Variants in XPO5 observed in about 807,000 individuals in gnomAD.
The protein encoded by XPO5 is exportin-5.
Under a neutral mutation model 160.6 loss-of-function variants are expected in XPO5, and 46 were observed. That is an observed-to-expected ratio of 0.29 (90% CI 0.23 to 0.37). The LOEUF is 0.37. Ranked by LOEUF, XPO5 falls within the 10% of genes least tolerant of loss-of-function variation. The pLI, the probability that XPO5 is intolerant of heterozygous loss-of-function variation, is 1.00. For missense variants in XPO5, 1,090 were observed against 1,463.9 expected (o/e 0.74, Z 4.17); for synonymous variants, 537 against 519.3 (o/e 1.03, Z -0.46).
In XPO5 at chr6:43,575,801, C is replaced by T; in HGVS notation, c.64G>A (p.Asp22Asn). The T allele has an allele frequency of 6.2e-7, 1 of 1,613,804 alleles. No individual in the cohort carries two copies. The highest frequency in any genetic ancestry group is 1.3e-5 in the African/African-American group (1 of 75,058). ...CGGTAGCGCTGGGTGGAGTTGGGGTCCATCATGACCGTCACCGCTTTCACC... is the reference window on the plus strand; with the variant it reads ...CGGTAGCGCTGGGTGGAGTTGGGGTTCATCATGACCGTCACCGCTTTCACC... ...QLVKAVTVMM[D>N]PNSTQRYRLE... The change falls in exon 1 of 32, where the codon GAC (aspartate) becomes AAC (asparagine). Residue 22 changes from aspartate (D) to asparagine (N), a missense_variant. This residue lies in a region of XPO5 where 170 missense variants were observed against 227.0 expected (regional missense o/e 0.75). Transcript: ENST00000265351.
intron 27 of XPO5, chr6:43,526,198 G>C: frequency 6.5e-6 from 3 of 459,406 alleles, no homozygotes; most frequent in South Asian, 2.7e-5. Flanking sequence ...ACAAATATTT[G>C]AGCACCAGAC....
intron 19 of XPO5, 23 bp from the exon 20 acceptor site, chr6:43,546,775 G>T: frequency 1.4e-6 from 2 of 1,430,696 alleles, no homozygotes; most frequent in Non-Finnish European, 1.8e-6. Context: ...AAGAATGACA[G>T]ATAAATATTA....
intron 7 of XPO5, chr6:43,566,666 C>A (rs1037818506): frequency 2.4e-6 from 1 of 424,938 alleles, no homozygotes; most frequent in South Asian, 1.7e-5. Context: ...AAAAATCAGT[C>A]GGGCATGGTG....
Position 43,548,142 on chromosome 6 carries a change from A to G in XPO5, c.2060+119T>C, listed in dbSNP as rs1017014284. ...AGACTGCTTTTAGAGAACTTCAGAT[A>G]TCATGGATAATGCCATCACACTTCA... On this transcript the variant is annotated intron_variant, in intron 18 of 31. Coordinates refer to ENST00000265351, the MANE Select transcript of XPO5 (RefSeq NM_020750.3). 7.6e-5 allele frequency: 77 copies of G among 1,011,992 alleles called. No individual in the cohort carries two copies. In the African/African-American group the frequency reaches 1.1e-3, roughly 14 times the overall value. The allele number at this position is 1,011,992 out of a possible 1,614,324, so 62.7% of individuals were successfully genotyped here.
At position 43,530,792 on chromosome 6, in the gene XPO5, A is replaced by G. The variant is rs773870581; in HGVS notation, c.2573T>C (p.Met858Thr). The change falls in exon 23 of 32, where the codon ATG (methionine) becomes ACG (threonine). Residue 858 changes from methionine (M) to threonine (T), a missense_variant. Met to Thr is a moderately conservative substitution (Grantham distance 81, BLOSUM62 -1). This residue lies in a region of XPO5 where 810 missense variants were observed against 1,139.0 expected (regional missense o/e 0.71). Coordinates refer to ENST00000265351, the MANE Select transcript of XPO5 (RefSeq NM_020750.3). Reference sequence around the variant, plus strand: ...CTCCACAGTATAGAAGTCTTGCTGCATGGAAGGGCCTGCCTTCCCTAGGAT... The same window carrying G: ...CTCCACAGTATAGAAGTCTTGCTGCGTGGAAGGGCCTGCCTTCCCTAGGAT... ...FHILGKAGPS[M>T]QQDFYTVEDL... 1.2e-6 allele frequency: 2 copies of G among 1,613,460 alleles called. No homozygotes were observed. The highest frequency in any genetic ancestry group is 8.5e-7 in the Non-Finnish European group (1 of 1,179,712).
chr6:43,560,292 A>G lies in XPO5; in HGVS notation c.1107T>C (p.Ser369=), dbSNP rs565874420. The G allele has an allele frequency of 1.9e-5, 30 of 1,610,102 alleles. No individual in the cohort carries two copies. The South Asian group carries it at 2.9e-4, about 15-fold the overall frequency. The part of the protein sequence containing the change: ...FTTHPSQFLR[S]STQMTWGALF... ...GGGCTCCCCAAGTCATCTGAGTTGAAGAGCGTAGAAACTAAAGAGAAAAAA... is the reference window on the plus strand; with the variant it reads ...GGGCTCCCCAAGTCATCTGAGTTGAGGAGCGTAGAAACTAAAGAGAAAAAA... The change falls in exon 11 of 32, where the codon TCT becomes TCC. Residue 369 remains serine (S), a synonymous_variant. Transcript: ENST00000265351.
intron 20 of XPO5, among the ~76,000 whole-genome samples, chr6:43,543,540 A>G (rs1011005721): frequency 3.9e-5 from 6 of 152,220 alleles, no homozygotes; most frequent in Non-Finnish European, 7.3e-5. Flanking sequence ...GAAAAGAGGT[A>G]TTAGGTAAAG....
intron 12 of XPO5, among the ~76,000 whole-genome samples, chr6:43,556,898 C>A (rs1170660679): frequency 6.6e-6 from 1 of 151,286 alleles, no homozygotes; most frequent in Non-Finnish European, 1.5e-5. Flanking sequence ...GACGCCAAGG[C>A]AGGTGAATCA....
At position 43,566,609 on chromosome 6, in the gene XPO5, G is replaced by C. The variant is rs114477309; in HGVS notation, c.834+560C>G. Reference sequence around the variant, plus strand: ...AGATCACTTGAGCTCAGGAGTTCGAGAAGAGCCTGGCTAACATGGCAAAAC... The same window carrying C: ...AGATCACTTGAGCTCAGGAGTTCGACAAGAGCCTGGCTAACATGGCAAAAC... On this transcript the variant is annotated intron_variant, in intron 7 of 31. Coordinates refer to ENST00000265351, the MANE Select transcript of XPO5 (RefSeq NM_020750.3). The C allele has an allele frequency of 4.8e-3, 2,001 of 417,162 alleles. 23 individuals carry two copies. The highest frequency in any genetic ancestry group is 0.035 in the African/African-American group (1,744 of 49,198). The allele number at this position is 417,162 out of a possible 1,614,324, so 25.8% of individuals were successfully genotyped here. A position where few individuals can be genotyped will look rare whatever the true frequency, so the allele number is the denominator to read the frequency against.
chr6:43,527,367 GT>G (rs1272747016), intron 26 of XPO5: 4 of 292,334 alleles, frequency 1.4e-5, no homozygotes, highest in Non-Finnish European at 2.6e-5. Flanking sequence ...CGCCTCCCGG[GT>G]TCAAGCGATT....
At chr6:43,569,292 C>CAAAA (rs1312409551) in intron 5 of XPO5, among the ~76,000 whole-genome samples, 1 of 58,448 alleles carries the variant, frequency 1.7e-5, no homozygotes, top group Non-Finnish European at 3.6e-5. Context: ...AACTCCGTCT[C>CAAAA]AAAAAAAAAA....
rs1035079025 is a variant in XPO5, at chr6:43,523,538, G to C, written c.*330C>G. 2.0e-6 allele frequency: 1 copy of C among 494,640 alleles called. No homozygotes were observed. The highest frequency in any genetic ancestry group is 4.0e-6 in the Non-Finnish European group (1 of 252,194). The allele number at this position is 494,640 out of a possible 1,614,324, so 30.6% of individuals were successfully genotyped here. A position where few individuals can be genotyped will look rare whatever the true frequency, so the allele number is the denominator to read the frequency against. ...CACCCTTAGTTACCATTCTGTACAG[G>C]TATGTGGCTGCACGGGGGTGGGAGG... On this transcript the variant is annotated 3_prime_UTR_variant, in exon 32 of 32. Transcript: ENST00000265351.
intron 20 of XPO5, among the ~76,000 whole-genome samples, chr6:43,537,467 G>A (rs965587260): frequency 2.0e-5 from 3 of 152,080 alleles, no homozygotes; most frequent in Non-Finnish European, 4.4e-5. Flanking sequence ...AAGCTTGGCC[G>A]GCAATATGGT....
intron 1 of XPO5, among the ~76,000 whole-genome samples, chr6:43,574,119 T>G (rs1040285046): frequency 6.6e-6 from 1 of 151,676 alleles, no homozygotes; most frequent in African/African-American, 2.4e-5. Context: ...CGTGAGCCAC[T>G]GTGCCCGGCC....
At chr6:43,556,130 T>C (rs962955823) in intron 12 of XPO5, 166 bp from the exon 13 acceptor site, 3 of 910,096 alleles carry the variant, frequency 3.3e-6, no homozygotes, top group Non-Finnish European at 4.7e-6. Flanking sequence ...TATTAACGAA[T>C]CCAGAAGTTT....
In XPO5 at chr6:43,524,020, T is replaced by A; in HGVS notation, c.3478-15A>T. ...CCCAAGGGTTTCTGTGGAAAACAAA[T>A]GAGAAAGAATTAATGCTGGGCCCTC... On this transcript the variant is annotated splice_polypyrimidine_tract_variant and intron_variant, in intron 31 of 31. Coordinates refer to ENST00000265351, the MANE Select transcript of XPO5 (RefSeq NM_020750.3). The A allele has an allele frequency of 6.2e-7, 1 of 1,609,566 alleles. No homozygotes were observed. Among genetic ancestry groups the A allele is most frequent in the South Asian group, 1.1e-5 (1 of 91,008 alleles).
At chr6:43,546,973 T>C (rs561637478) in intron 19 of XPO5, among the ~76,000 whole-genome samples, 40 of 152,258 alleles carry the variant, frequency 2.6e-4, no homozygotes, top group East Asian at 9.7e-4. Context: ...CTCTGGAAAC[T>C]TCCCTTGCAG....
In XPO5 at chr6:43,555,838, T is replaced by G; in HGVS notation, c.1439A>C (p.Asn480Thr). 2 of 1,613,820 alleles carry G rather than the reference T, an allele frequency of 1.2e-6. No individual in the cohort carries two copies. Among genetic ancestry groups the G allele is most frequent in the Non-Finnish European group, 8.5e-7 (1 of 1,179,826 alleles). The change falls in exon 13 of 32, where the codon AAT (asparagine) becomes ACT (threonine). Residue 480 changes from asparagine to threonine, a missense_variant and splice_region_variant. Coordinates refer to ENST00000265351, the MANE Select transcript of XPO5 (RefSeq NM_020750.3). ...LSTFLDAGSV[N>T]SCSAVGTGEG... The stretch of plus-strand genomic sequence containing the variant: ...ATTCAGTAATGAAAAAAACTTACAA[T>G]TCACAGAACCAGCATCAAGAAAAGT...
intron 20 of XPO5, among the ~76,000 whole-genome samples, chr6:43,535,539 TTC>T (rs1223139143): frequency 3.3e-4 from 51 of 152,242 alleles, no homozygotes; most frequent in Admixed American, 3.3e-3. Context: ...CCATAGTTTG[TTC>T]TGTTTGTTCT....
Sources: allele counts gnomAD v4.1 joint callset (sites outside exome capture counted in the v4.1 genomes callset), GRCh38; gene constraint gnomAD v4.1.1; regional missense constraint gnomAD v4.1.1; transcripts MANE v1.5; gene names NCBI Gene and HGNC (gene_info 2026-07-23, HGNC 2026-07-21).